GRIP1: variants seen among roughly 807,000 people sequenced by gnomAD.
GRIP1 encodes the protein glutamate receptor-interacting protein 1.
Under a neutral mutation model 129.9 loss-of-function variants are expected in GRIP1, and 45 were observed. The observed-to-expected ratio is 0.35, with a 90% confidence interval of 0.27 to 0.44. The LOEUF (loss-of-function observed/expected upper bound fraction) is 0.44, where lower values mean the gene tolerates loss of function less well. Among genes scored for constraint, GRIP1 ranks in the 20% least tolerant of loss-of-function variants. GRIP1 has a pLI of 1.00. For missense variants in GRIP1, 1,196 were observed against 1,396.8 expected, an observed-to-expected ratio of 0.86 and a Z score of 2.29; for synonymous variants, 530 against 520.8, an observed-to-expected ratio of 1.02 and a Z score of -0.24.
At chr12:67,038,358 T>C (rs2043129325) in intron 1 of GRIP1, among the ~76,000 whole-genome samples, 1 of 152,188 alleles carries the variant, frequency 6.6e-6, no homozygotes, top group African/African-American at 2.4e-5. Flanking sequence ...ATAAATTCTC[T>C]CTTTTAAACT....
intron 1 of GRIP1, among the ~76,000 whole-genome samples, chr12:66,917,187 T>C (rs979792747): frequency 6.6e-6 from 1 of 152,252 alleles, no homozygotes; most frequent in Admixed American, 6.5e-5. Flanking sequence ...TAGCTATGCT[T>C]GTTTTTAACC....
intron 16 of GRIP1, among the ~76,000 whole-genome samples, chr12:66,396,116 CA>C (rs1316702747): frequency 1.3e-5 from 2 of 152,196 alleles, no homozygotes; most frequent in Non-Finnish European, 2.9e-5. Context: ...GTCCCTGGCA[CA>C]GTTGAACATT....
chr12:66,860,929 C>T (rs1429232444), intron 1 of GRIP1, among the ~76,000 whole-genome samples: 2 of 151,986 alleles, frequency 1.3e-5, no homozygotes, highest in Admixed American at 1.3e-4. Flanking sequence ...AGTTTGTGGA[C>T]ATTTCATTCA....
chr12:66,902,248 AC>A (rs2040855467), intron 1 of GRIP1, among the ~76,000 whole-genome samples: 1 of 152,132 alleles, frequency 6.6e-6, no homozygotes, highest in Non-Finnish European at 1.5e-5. Context: ...TCAACAATTC[AC>A]TGTTTTGGAT....
At chr12:66,802,901 A>G (rs530661297) in intron 1 of GRIP1, among the ~76,000 whole-genome samples, 1 of 152,368 alleles carries the variant, frequency 6.6e-6, no homozygotes, top group East Asian at 1.9e-4. Context: ...TAAAAGAGAA[A>G]CATCTCTAAA....
chr12:66,532,864 A>G (rs776438313), intron 4 of GRIP1, among the ~76,000 whole-genome samples: 9 of 152,164 alleles, frequency 5.9e-5, no homozygotes, highest in East Asian at 1.9e-4. Context: ...TAACACATTT[A>G]TTTGAGTTAA....
In GRIP1 at chr12:66,812,966, C is replaced by G. The variant is rs996906671; in HGVS notation, c.59-216039G>C. Among the ~76,000 whole-genome samples the G allele has an allele frequency of 3.3e-5, 5 of 152,054 alleles. No individual in the cohort carries two copies. In the East Asian group the frequency reaches 9.6e-4, roughly 29 times the overall value. ...TCTCTAGTGCCAGGCACTATTCACA[C>G]TCTAAAGATAGAACAGTGCATATGA... On this transcript the variant is annotated intron_variant, in intron 1 of 1. Coordinates refer to the GRIP1 transcript ENST00000643019.
chr12:66,747,033 A>C (rs2036970610), intron 1 of GRIP1, among the ~76,000 whole-genome samples: 1 of 152,214 alleles, frequency 6.6e-6, no homozygotes, highest in Non-Finnish European at 1.5e-5. Flanking sequence ...TGATTAGCTA[A>C]GATTAAGTTA....
intron 1 of GRIP1, among the ~76,000 whole-genome samples, chr12:66,975,554 T>C (rs1172986083): frequency 6.6e-6 from 1 of 152,152 alleles, no homozygotes; most frequent in Non-Finnish European, 1.5e-5. Flanking sequence ...CCTGTCTTTT[T>C]GTAGAAAATA....
At chr12:66,983,844 C>T (rs2042272554) in intron 1 of GRIP1, among the ~76,000 whole-genome samples, 1 of 151,930 alleles carries the variant, frequency 6.6e-6, no homozygotes, top group Admixed American at 6.6e-5. Flanking sequence ...AATAGTGTTG[C>T]CCAGGAATTA....
chr12:67,055,461 C>G (rs1592523596), intron 1 of GRIP1, among the ~76,000 whole-genome samples: 1 of 151,946 alleles, frequency 6.6e-6, no homozygotes, highest in East Asian at 1.9e-4. Context: ...GAACAGGATG[C>G]TTGAAAATGA....
At chr12:66,382,933 C>A (rs1370331677) in intron 19 of GRIP1, among the ~76,000 whole-genome samples, 2 of 151,900 alleles carry the variant, frequency 1.3e-5, no homozygotes, top group African/African-American at 4.8e-5. Context: ...ATGAAGGGTG[C>A]CAAAGGAAAA....
chr12:66,997,793 C>A (rs2042491592), intron 1 of GRIP1, among the ~76,000 whole-genome samples: 1 of 152,142 alleles, frequency 6.6e-6, no homozygotes, highest in Admixed American at 6.6e-5. Context: ...CCAAAGGTCA[C>A]ACAACTTATA....
chr12:66,728,901 C>T (rs1943709681), intron 1 of GRIP1, among the ~76,000 whole-genome samples: 1 of 152,160 alleles, frequency 6.6e-6, no homozygotes. Flanking sequence ...AAATCCCTCA[C>T]TCCCCTTCCT....
At chr12:66,647,275 T>C (rs2032448381) in intron 1 of GRIP1, 2 of 152,274 alleles carry the variant, frequency 1.3e-5, no homozygotes, top group Non-Finnish European at 2.9e-5. Context: ...ATGCCATTCA[T>C]GTGACAATAA....
intron 5 of GRIP1, among the ~76,000 whole-genome samples, chr12:66,523,391 A>C (rs1186824538): frequency 7.3e-6 from 1 of 137,904 alleles, no homozygotes; most frequent in Non-Finnish European, 1.6e-5. Context: ...TCTTAAAGAA[A>C]ATAATTTTCA....
chr12:66,713,923 T>C (rs2035788701), intron 1 of GRIP1, among the ~76,000 whole-genome samples: 1 of 151,988 alleles, frequency 6.6e-6, no homozygotes, highest in African/African-American at 2.4e-5. Context: ...AGCTCCTTGA[T>C]AGACAAAGTT....
chr12:66,375,778 G>T (rs934010340), intron 22 of GRIP1, among the ~76,000 whole-genome samples: 1 of 152,148 alleles, frequency 6.6e-6, no homozygotes, highest in African/African-American at 2.4e-5. Context: ...GAACCTGATT[G>T]TATCACTTTT....
At chr12:66,473,218 G>C (rs1157484812) in intron 7 of GRIP1, among the ~76,000 whole-genome samples, 5 of 152,186 alleles carry the variant, frequency 3.3e-5, no homozygotes, top group Non-Finnish European at 7.3e-5. Context: ...TGGGAGGTTT[G>C]AACTGGGCAG....
Sources: gnomAD v4.1 joint callset for allele counts (sites outside exome capture counted in the v4.1 genomes callset) on GRCh38, gnomAD v4.1.1 for gene constraint, MANE v1.5 for transcripts, NCBI Gene and HGNC (gene_info 2026-07-23, HGNC 2026-07-21) for gene names.